The following CEP85L variants were observed in gnomAD, a reference collection of about 807,000 sequenced individuals.
CEP85L encodes the protein centrosomal protein 85L.
A neutral mutation model predicts 100.3 loss-of-function variants in CEP85L; 60 were observed. That is an observed-to-expected ratio of 0.60 (90% CI 0.49 to 0.74). The LOEUF (loss-of-function observed/expected upper bound fraction) is 0.74. Among genes scored for constraint, CEP85L ranks in the 30% least tolerant of loss-of-function variants. CEP85L has a pLI of 0.00. For missense variants in CEP85L, 973 were observed against 936.2 expected, an observed-to-expected ratio of 1.04 and a Z score of -0.51; for synonymous variants, 319 against 322.7, an observed-to-expected ratio of 0.99 and a Z score of 0.12.
chr6:118,479,865 C>A lies in CEP85L; in HGVS notation c.1914+6G>T. The A allele has an allele frequency of 6.8e-7, 1 of 1,465,764 alleles. No homozygotes were observed. The highest frequency in any genetic ancestry group is 9.3e-7 in the Non-Finnish European group (1 of 1,070,214). The allele number at this position is 1,465,764 out of a possible 1,614,324, so 90.8% of individuals were successfully genotyped here. On this transcript the variant is annotated splice_donor_region_variant and intron_variant, in intron 10 of 12. Coordinates refer to ENST00000368491, the MANE Select transcript of CEP85L (RefSeq NM_001042475.3). ...TAAATTAAAATAAGCACAAAATATTCCTTACCTGAATTTCTAAAATCATTC... is the reference window on the plus strand; with the variant it reads ...TAAATTAAAATAAGCACAAAATATTACTTACCTGAATTTCTAAAATCATTC...
At chr6:118,665,146 G>A (rs9320665) in intron 1 of CEP85L, among the ~76,000 whole-genome samples, 71,278 of 151,610 alleles carry the variant, frequency 0.47, 17,198 homozygotes, top group Middle Eastern at 0.58. Context: ...GAGGAGGGAC[G>A]GTAGGTAAGT....
upstream of CEP85L, among the ~76,000 whole-genome samples, chr6:118,653,590 C>A (rs950440294): frequency 1.4e-4 from 21 of 152,248 alleles, 3 homozygotes; most frequent in Admixed American, 7.2e-4. Context: ...TTACTAAACC[C>A]CATGTGGTAA....
chr6:118,574,912 G>A (rs981544183), intron 2 of CEP85L, among the ~76,000 whole-genome samples: 8 of 152,206 alleles, frequency 5.3e-5, no homozygotes, highest in Admixed American at 3.3e-4. Flanking sequence ...AAATTCCTGC[G>A]AGGGAAGTGA....
At chr6:118,682,543 G>A (rs1776700365) in intron 1 of CEP85L, among the ~76,000 whole-genome samples, 1 of 151,992 alleles carries the variant, frequency 6.6e-6, no homozygotes, top group African/African-American at 2.4e-5. Context: ...TTTAATTGCA[G>A]CAAAATGTTT....
intron 6 of CEP85L, among the ~76,000 whole-genome samples, chr6:118,486,728 T>C (rs1033559957): frequency 9.9e-5 from 15 of 152,172 alleles, no homozygotes; most frequent in Admixed American, 7.9e-4. Context: ...CCATTCTTAA[T>C]TGCCTCACTC....
chr6:118,480,291 T>C (rs1038646738), intron 9 of CEP85L, 105 bp downstream of exon 9: 2 of 595,668 alleles, frequency 3.4e-6, no homozygotes, highest in African/African-American at 3.9e-5. Flanking sequence ...AGTGATTAAA[T>C]ATTAACAAAA....
chr6:118,485,634 T>G (rs1443264921), intron 6 of CEP85L, among the ~76,000 whole-genome samples: 1 of 152,212 alleles, frequency 6.6e-6, no homozygotes, highest in Non-Finnish European at 1.5e-5. Context: ...AATTCCCTTT[T>G]TACAGATGAG....
rs1205177066 is a variant in CEP85L, at chr6:118,463,918, G to A, written c.*1487C>T. The A allele has an allele frequency of 2.0e-5, 3 of 152,030 alleles. No homozygotes were observed. The highest frequency in any genetic ancestry group is 7.2e-5 in the African/African-American group (3 of 41,390). 9.4% of individuals were successfully genotyped at this position (152,030 alleles called of 1,614,324 possible). ...TATTTAAGAAAAATCTTTCCTAGGA[G>A]AGCCTTTATTCTAGTATATAAGAAA... On this transcript the variant is annotated 3_prime_UTR_variant, in exon 13 of 13. Transcript: ENST00000368491.
chr6:118,483,916 A>C (rs1456521941), intron 6 of CEP85L, 58 bp from the exon 7 acceptor site: 8 of 1,498,284 alleles, frequency 5.3e-6, no homozygotes, highest in Non-Finnish European at 7.3e-6. Context: ...GATATAACAA[A>C]ACCAACACTT....
intron 2 of CEP85L, among the ~76,000 whole-genome samples, chr6:118,612,490 T>C (rs957040920): frequency 7.3e-6 from 1 of 136,432 alleles, no homozygotes; most frequent in Non-Finnish European, 1.6e-5. Flanking sequence ...CTGTCTCTAC[T>C]AAAAATACAA....
At chr6:118,483,971 C>A (rs9481813) in intron 6 of CEP85L, 113 bp from the exon 7 acceptor site, 1 of 875,136 alleles carries the variant, frequency 1.1e-6, no homozygotes, top group Non-Finnish European at 1.7e-6. Context: ...CAGGTTATAG[C>A]GAAGGCCACT....
chr6:118,640,408 C>G (rs75534097), intron 1 of CEP85L, among the ~76,000 whole-genome samples: 352 of 152,274 alleles, frequency 2.3e-3, no homozygotes, highest in African/African-American at 8.3e-3. Context: ...AGTAAGTCCT[C>G]ATAAATCACT....
At chr6:118,704,731 A>G (rs1777538982) in intron 1 of CEP85L, among the ~76,000 whole-genome samples, 1 of 152,096 alleles carries the variant, frequency 6.6e-6, no homozygotes, top group South Asian at 2.1e-4. Flanking sequence ...TCGGCCTCCC[A>G]CAGTGCTGGG....
At chr6:118,517,648 G>A (rs767471591) in intron 4 of CEP85L, among the ~76,000 whole-genome samples, 10 of 152,186 alleles carry the variant, frequency 6.6e-5, no homozygotes, top group South Asian at 6.2e-4. Context: ...CTGAGACGAC[G>A]CAGGTTTCTA....
chr6:118,651,927 C>T (rs1029415414), upstream of CEP85L: 3 of 985,500 alleles, frequency 3.0e-6, no homozygotes, highest in East Asian at 1.1e-4. Flanking sequence ...GGAAGACCTG[C>T]CCCTGGCGTC....
chr6:118,467,237 A>G (rs1772594775), intron 12 of CEP85L, among the ~76,000 whole-genome samples: 1 of 152,184 alleles, frequency 6.6e-6, no homozygotes, highest in Admixed American at 6.6e-5. Context: ...GGTGAAAGGT[A>G]TGGCAGTAAC....
chr6:118,468,943 C>G (rs909973455), intron 12 of CEP85L, 129 bp downstream of exon 12: 1 of 659,838 alleles, frequency 1.5e-6, no homozygotes, highest in Non-Finnish European at 2.6e-6. Flanking sequence ...TATACATAAA[C>G]CCACAGACTG....
At chr6:118,477,700 T>C (rs573715482) in intron 10 of CEP85L, among the ~76,000 whole-genome samples, 138 of 152,228 alleles carry the variant, frequency 9.1e-4, no homozygotes, top group African/African-American at 3.2e-3. Flanking sequence ...CAGTAACACA[T>C]GAAATTCTAA....
At chr6:118,479,178 C>G (rs1452836019) in intron 10 of CEP85L, among the ~76,000 whole-genome samples, 1 of 152,118 alleles carries the variant, frequency 6.6e-6, no homozygotes, top group Non-Finnish European at 1.5e-5. Context: ...CCATCAGGCT[C>G]ATACATTTAT....
Sources: allele counts gnomAD v4.1 joint callset (sites outside exome capture counted in the v4.1 genomes callset), GRCh38; gene constraint gnomAD v4.1.1; transcripts MANE v1.5; gene names NCBI Gene and HGNC (gene_info 2026-07-23, HGNC 2026-07-21).